Variants in ZNF407 observed in about 807,000 individuals in gnomAD.
ZNF407 encodes zinc finger protein 407.
A neutral mutation model predicts 131.2 loss-of-function variants in ZNF407; 17 were observed. The observed-to-expected ratio is 0.13, with a 90% CI of 0.09 to 0.19. The LOEUF (loss-of-function observed/expected upper bound fraction) is 0.19, where lower values mean the gene tolerates loss of function less well. Ranked by LOEUF, ZNF407 falls within the 10% of genes least tolerant of loss-of-function variation. The probability of loss-of-function intolerance (pLI) is 1.00; values close to 1 mark genes in which losing one functional copy is unlikely to be tolerated. For synonymous variants in ZNF407, 1,156 were observed against 1,062.0 expected (o/e 1.09, Z -1.72); for missense variants, 2,681 against 2,830.6 (o/e 0.95, Z 1.20).
In ZNF407 at chr18:74,635,138, C is replaced by G; in HGVS notation, c.4119C>G (p.Asp1373Glu). The G allele has an allele frequency of 1.2e-6, 2 of 1,613,976 alleles. No homozygotes were observed. Among genetic ancestry groups the G allele is most frequent in the Non-Finnish European group, 1.7e-6 (2 of 1,179,892 alleles). ...ACCCTGAAGATGGTGAGTTGATAGA[C>G]CAGTCTGAAGAGGGCTTGATAGCAA... ...IKNPEDGELI[D>E]QSEEGLIATG... Residue 1373 changes from aspartate (D) to glutamate (E), a missense_variant, in exon 2 of 9, where the codon GAC (aspartate) becomes GAG (glutamate). By Grantham distance (45) the Asp-to-Glu change is conservative (BLOSUM62 2). Coordinates refer to ENST00000299687, the MANE Select transcript of ZNF407 (RefSeq NM_017757.3). The surrounding 1 kb of genome is among the most constrained non-coding windows in gnomAD (Gnocchi z 4.7).
intron 7 of ZNF407, among the ~76,000 whole-genome samples, chr18:74,900,100 C>T (rs1971504007): frequency 6.6e-6 from 1 of 152,158 alleles, no homozygotes; most frequent in African/African-American, 2.4e-5. Flanking sequence ...CCATTGAAAC[C>T]GTGAGGCTGA....
chr18:74,631,433 C>T lies in ZNF407; in HGVS notation c.414C>T (p.Ser138=), dbSNP rs763660733. The T allele has an allele frequency of 3.1e-6, 5 of 1,613,814 alleles. No individual in the cohort carries two copies. Among genetic ancestry groups the T allele is most frequent in the Non-Finnish European group, 4.2e-6 (5 of 1,179,894 alleles). The change falls in exon 2 of 9, where the codon AGC becomes AGT. Residue 138 remains serine (S), a synonymous_variant. Coordinates refer to ENST00000299687, the MANE Select transcript of ZNF407 (RefSeq NM_017757.3). ...CCCTCTCCCCTTCTTGCAATTTTAGCACTATTGATGTTGTTTCTCTGAAAA... is the reference window on the plus strand; with the variant it reads ...CCCTCTCCCCTTCTTGCAATTTTAGTACTATTGATGTTGTTTCTCTGAAAA... The part of the protein sequence containing the change: ...PNALSPSCNF[S]TIDVVSLKTD...
intron 3 of ZNF407, among the ~76,000 whole-genome samples, chr18:74,763,195 C>CTTT (rs1568203707): frequency 1.0e-3 from 6 of 5,860 alleles, no homozygotes; most frequent in Admixed American, 6.8e-3. Context: ...CTTCTTAGGA[C>CTTT]CTTTTTTTTT....
At chr18:75,062,566 C>T (rs1416773794) in intron 8 of ZNF407, 2 of 152,216 alleles carry the variant, frequency 1.3e-5, no homozygotes, top group Admixed American at 6.5e-5. Flanking sequence ...GCTGCCTGCC[C>T]AGGTTCAGCA....
chr18:74,912,642 G>A (rs1971690248), intron 7 of ZNF407, among the ~76,000 whole-genome samples: 1 of 152,144 alleles, frequency 6.6e-6, no homozygotes, highest in African/African-American at 2.4e-5. Context: ...AGTATTTAAT[G>A]TGATATAACG....
chr18:74,926,001 TCAC>T (rs1971908454), intron 8 of ZNF407, among the ~76,000 whole-genome samples: 1 of 152,242 alleles, frequency 6.6e-6, no homozygotes, highest in African/African-American at 2.4e-5. Context: ...TCCTGATACT[TCAC>T]CACTAACAAA....
chr18:74,758,309 T>C (rs534142679), intron 3 of ZNF407, among the ~76,000 whole-genome samples: 2 of 152,308 alleles, frequency 1.3e-5, no homozygotes, highest in African/African-American at 4.8e-5. Flanking sequence ...CACACATGTA[T>C]GTATATGTAT....
chr18:74,811,555 C>G (rs1196630884), intron 4 of ZNF407, among the ~76,000 whole-genome samples: 1 of 152,102 alleles, frequency 6.6e-6, no homozygotes, highest in East Asian at 1.9e-4. Context: ...AATCATGCTT[C>G]TATAAAGACA....
Position 74,749,012 on chromosome 18 carries a change from C to G in ZNF407, c.4803-32416C>G, listed in dbSNP as rs756215234. ...TGAGGCGAAGAGAGCGCTTGGTGCT[C>G]ATGGGCAGAGCTCAGCACCAAGGAG... is the stretch of plus-strand genomic sequence containing the variant. On this transcript the variant is annotated intron_variant, in intron 3 of 8. Coordinates refer to ENST00000299687, the MANE Select transcript of ZNF407 (RefSeq NM_017757.3). Among the ~76,000 whole-genome samples the G allele has an allele frequency of 7.9e-5, 12 of 152,112 alleles. 1 individual carries two copies. Among genetic ancestry groups the G allele is most frequent in the Non-Finnish European group, 1.5e-4 (10 of 68,024 alleles).
intron 3 of ZNF407, among the ~76,000 whole-genome samples, chr18:74,655,107 A>C (rs1985395166): frequency 6.6e-6 from 1 of 151,982 alleles, no homozygotes; most frequent in Non-Finnish European, 1.5e-5. Flanking sequence ...TATGTGACAA[A>C]TATTTTTAAT....
intron 8 of ZNF407, among the ~76,000 whole-genome samples, chr18:74,993,642 T>C (rs1387640106): frequency 6.6e-6 from 1 of 152,196 alleles, no homozygotes; most frequent in African/African-American, 2.4e-5. Flanking sequence ...TTCAGTAAGG[T>C]TGGTTTTAAA....
intron 7 of ZNF407, among the ~76,000 whole-genome samples, chr18:74,892,449 G>T (rs181143396): frequency 5.3e-5 from 8 of 152,284 alleles, no homozygotes; most frequent in Admixed American, 3.9e-4. Context: ...AGTCGGCCAC[G>T]TCAGTCGCTT....
At chr18:74,742,818 T>A (rs1968581044) in intron 3 of ZNF407, among the ~76,000 whole-genome samples, 2 of 152,110 alleles carry the variant, frequency 1.3e-5, no homozygotes, top group South Asian at 4.1e-4. Flanking sequence ...ATAAATTCTG[T>A]GGTCTGGCTA....
intron 8 of ZNF407, among the ~76,000 whole-genome samples, chr18:74,947,003 G>A (rs936837527): frequency 5.3e-5 from 8 of 152,152 alleles, no homozygotes; most frequent in Admixed American, 5.2e-4. Flanking sequence ...GGTCATTGAA[G>A]TGAGGGTTTC....
intron 1 of ZNF407, among the ~76,000 whole-genome samples, chr18:74,629,395 A>G (rs1983947055): frequency 6.6e-6 from 1 of 152,210 alleles, no homozygotes. Context: ...AAATTGATTT[A>G]TCTTACTATT....
intron 6 of ZNF407, among the ~76,000 whole-genome samples, chr18:74,885,124 A>T (rs1463413242): frequency 1.3e-5 from 2 of 152,162 alleles, no homozygotes; most frequent in Non-Finnish European, 2.9e-5. Flanking sequence ...AAAGTATAAG[A>T]TTTATACTAC....
intron 3 of ZNF407, among the ~76,000 whole-genome samples, chr18:74,763,451 T>G (rs1969147473): frequency 6.6e-6 from 1 of 151,428 alleles, no homozygotes; most frequent in African/African-American, 2.4e-5. Context: ...ATTTATACAT[T>G]TTTTCTTTAA....
intron 4 of ZNF407, among the ~76,000 whole-genome samples, chr18:74,873,459 A>G (rs530239138): frequency 6.6e-6 from 1 of 152,340 alleles, no homozygotes; most frequent in Non-Finnish European, 1.5e-5. Flanking sequence ...CACATTTAGT[A>G]GGGTGCTAAT....
At chr18:74,939,015 G>A (rs1325028986) in intron 8 of ZNF407, among the ~76,000 whole-genome samples, 1 of 152,208 alleles carries the variant, frequency 6.6e-6, no homozygotes, top group East Asian at 1.9e-4. Context: ...TGACATTGCA[G>A]GGTAAGACAT....
Sources: gnomAD v4.1 joint callset for allele counts (sites outside exome capture counted in the v4.1 genomes callset) on GRCh38, gnomAD v4.1.1 for gene constraint, Gnocchi (gnomAD v3.1) non-coding constraint, MANE v1.5 for transcripts, NCBI Gene and HGNC (gene_info 2026-07-23, HGNC 2026-07-21) for gene names.